GRXCR2: variants seen among roughly 807,000 people sequenced by gnomAD.
GRXCR2 encodes the protein glutaredoxin domain-containing cysteine-rich protein 2.
Under a neutral mutation model 24.8 loss-of-function variants are expected in GRXCR2, and 23 were observed. The ratio of observed to expected loss-of-function variants is 0.93; its 90% confidence interval spans 0.67 to 1.32. The LOEUF (loss-of-function observed/expected upper bound fraction) is 1.32, where lower values mean the gene tolerates loss of function less well. GRXCR2 is among the 40% of genes most tolerant of loss of function. The pLI is 0.00. For missense variants in GRXCR2, 315 were observed against 303.4 expected, an observed-to-expected ratio of 1.04 and a Z score of -0.28; for synonymous variants, 130 against 116.1, an observed-to-expected ratio of 1.12 and a Z score of -0.77.
chr5:145,930,726 T>G (rs1489666820), intron 2 of GRXCR2, among the ~76,000 whole-genome samples: 1 of 152,174 alleles, frequency 6.6e-6, no homozygotes, highest in Admixed American at 6.5e-5. Context: ...TTTCTTTGGA[T>G]TAGTCTGCGT....
chr5:145,892,658 G>A (rs1470736948), intron 2 of GRXCR2, among the ~76,000 whole-genome samples: 2 of 152,196 alleles, frequency 1.3e-5, no homozygotes, highest in East Asian at 3.8e-4. Context: ...ACGTCTGACT[G>A]GTGTACCTGA....
intron 2 of GRXCR2, among the ~76,000 whole-genome samples, chr5:145,901,687 A>G (rs576427242): frequency 6.6e-6 from 1 of 152,298 alleles, no homozygotes; most frequent in South Asian, 2.1e-4. Context: ...AGCACCCTTG[A>G]GTAGATGAGG....
intron 2 of GRXCR2, among the ~76,000 whole-genome samples, chr5:145,866,006 G>T (rs1176527258): frequency 6.6e-6 from 1 of 151,244 alleles, no homozygotes; most frequent in Non-Finnish European, 1.5e-5. Flanking sequence ...CATGGTGGTG[G>T]GTGCCTGAAA....
intron 2 of GRXCR2, among the ~76,000 whole-genome samples, chr5:145,897,506 A>G (rs891189457): frequency 6.6e-6 from 1 of 152,104 alleles, no homozygotes; most frequent in Non-Finnish European, 1.5e-5. Context: ...CATTAATCAC[A>G]GAATATACAT....
chr5:145,906,086 T>C (rs1349383401), intron 2 of GRXCR2, among the ~76,000 whole-genome samples: 1 of 152,170 alleles, frequency 6.6e-6, no homozygotes, highest in East Asian at 1.9e-4. Flanking sequence ...GAAATCACTC[T>C]GTTGGTAATG....
chr5:145,891,947 C>T (rs1242169187), intron 2 of GRXCR2, among the ~76,000 whole-genome samples: 1 of 152,184 alleles, frequency 6.6e-6, no homozygotes, highest in Non-Finnish European at 1.5e-5. Context: ...TCCAGAGGAA[C>T]GATCAGGCAG....
At chr5:145,906,973 A>G (rs1200615321) in intron 2 of GRXCR2, among the ~76,000 whole-genome samples, 1 of 152,202 alleles carries the variant, frequency 6.6e-6, no homozygotes, top group East Asian at 1.9e-4. Flanking sequence ...TGAGGGGGTC[A>G]GCCTTGTGGA....
upstream of GRXCR2, among the ~76,000 whole-genome samples, chr5:145,873,684 G>C (rs1756568991): frequency 6.6e-6 from 1 of 152,208 alleles, no homozygotes; most frequent in African/African-American, 2.4e-5. Context: ...CTAAGAACAG[G>C]AGAAGGCCGA....
chr5:145,897,533 T>C (rs140209031), intron 2 of GRXCR2, among the ~76,000 whole-genome samples: 7 of 152,148 alleles, frequency 4.6e-5, no homozygotes, highest in Non-Finnish European at 8.8e-5. Flanking sequence ...AATCTGTACA[T>C]GGAACATACT....
At position 145,864,302 on chromosome 5, in the gene GRXCR2, A is replaced by G. The variant is rs58777718; in HGVS notation, c.564+2199T>C. On this transcript the variant is annotated intron_variant, in intron 2 of 2. Transcript: ENST00000377976. ...GATGGGCAGTGTGTCTGGGGCCAAGAGCATGAGAAAAGATGTGTAAGAGAT... is the reference window on the plus strand; with the variant it reads ...GATGGGCAGTGTGTCTGGGGCCAAGGGCATGAGAAAAGATGTGTAAGAGAT... Among the ~76,000 whole-genome samples, 1,224 of 152,252 alleles carry G rather than the reference A, an allele frequency of 8.0e-3. 17 individuals are homozygous for G. The highest frequency in any genetic ancestry group is 0.028 in the African/African-American group (1,153 of 41,546).
At chr5:145,878,153 A>G (rs1756646844) in intron 2 of GRXCR2, among the ~76,000 whole-genome samples, 1 of 152,216 alleles carries the variant, frequency 6.6e-6, no homozygotes, top group African/African-American at 2.4e-5. Context: ...AAAGGATCAC[A>G]CCTTCTCACC....
chr5:145,891,326 A>C (rs929497178), intron 2 of GRXCR2, among the ~76,000 whole-genome samples: 4 of 152,184 alleles, frequency 2.6e-5, no homozygotes, highest in Non-Finnish European at 5.9e-5. Flanking sequence ...GAGCCAAAGC[A>C]GGGTGAGGCA....
chr5:145,874,823 G>A (rs1756587952), upstream of GRXCR2, among the ~76,000 whole-genome samples: 1 of 152,110 alleles, frequency 6.6e-6, no homozygotes, highest in South Asian at 2.1e-4. Flanking sequence ...CTCTTCCAGG[G>A]GCTGCCTGGG....
At chr5:145,907,889 C>T (rs748436144) in intron 2 of GRXCR2, among the ~76,000 whole-genome samples, 8 of 152,064 alleles carry the variant, frequency 5.3e-5, no homozygotes, top group Admixed American at 2.0e-4. Flanking sequence ...GATGAAGTTC[C>T]GGTGTTTGTT....
rs373040257 is a variant in GRXCR2 at position 145,929,199 on chromosome 5, C to CATATATA, written c.-70+6501_-70+6502insTATATAT. Among the ~76,000 whole-genome samples, 3 of 116,506 alleles carry CATATATA rather than the reference C, an allele frequency of 2.6e-5. 1 individual carries two copies. The highest frequency in any genetic ancestry group is 6.8e-4 in the East Asian group (2 of 2,946). The allele number at this position is 116,506 out of a possible 152,430, so 76.4% of individuals were successfully genotyped here. A position where few individuals can be genotyped will look rare whatever the true frequency, so the allele number is the denominator to read the frequency against. On this transcript the variant is annotated intron_variant, in intron 2 of 3. Coordinates refer to the GRXCR2 transcript ENST00000639411. Reference sequence around the variant, plus strand: ...TTTAATAGTTGTATAATATTCCCCCCTATATATATATATATATATATATAT... The same window carrying CATATATA: ...TTTAATAGTTGTATAATATTCCCCCCATATATATATATATATATATATATATATATAT...
chr5:145,888,036 T>C (rs1756801141), intron 2 of GRXCR2, among the ~76,000 whole-genome samples: 1 of 152,250 alleles, frequency 6.6e-6, no homozygotes, highest in Non-Finnish European at 1.5e-5. Flanking sequence ...AGGTAATTGT[T>C]TAATTTATTA....
chr5:145,921,198 T>C (rs1757316578), intron 2 of GRXCR2, among the ~76,000 whole-genome samples: 1 of 152,234 alleles, frequency 6.6e-6, no homozygotes, highest in Non-Finnish European at 1.5e-5. Flanking sequence ...ACTCAGTAAG[T>C]TGCAGGGAAG....
At chr5:145,882,677 T>C (rs1226964809) in intron 2 of GRXCR2, among the ~76,000 whole-genome samples, 3 of 152,170 alleles carry the variant, frequency 2.0e-5, no homozygotes, top group African/African-American at 7.2e-5. Context: ...ACTGGGTATA[T>C]ACCCAAAGGA....
chr5:145,892,381 T>G (rs559209868), intron 2 of GRXCR2, among the ~76,000 whole-genome samples: 139 of 152,116 alleles, frequency 9.1e-4, no homozygotes, highest in Admixed American at 2.2e-3. Context: ...GTTAAAGACC[T>G]TGAAAAAAAA....
Sources: gnomAD v4.1 joint callset for allele counts (sites outside exome capture counted in the v4.1 genomes callset) on GRCh38, gnomAD v4.1.1 for gene constraint, MANE v1.5 for transcripts, NCBI Gene and HGNC (gene_info 2026-07-23, HGNC 2026-07-21) for gene names.